Variants in ANGPT2 observed in about 807,000 individuals in gnomAD.
The protein encoded by ANGPT2 is angiopoietin-2.
In ANGPT2, 28 loss-of-function variants were observed where a neutral mutation model predicts 62.9. That is an observed-to-expected ratio of 0.44 (90% CI 0.33 to 0.61). The LOEUF is 0.61. Among genes scored for constraint, ANGPT2 ranks in the 20% least tolerant of loss-of-function variants. The pLI is 0.03. For missense variants in ANGPT2, 727 were observed against 594.9 expected, an observed-to-expected ratio of 1.22 and a Z score of -2.31; for synonymous variants, 284 against 207.8, an observed-to-expected ratio of 1.37 and a Z score of -3.15.
chr8:6,546,169 GAGTT>G (rs1255608861), intron 1 of ANGPT2, among the ~76,000 whole-genome samples: 4 of 152,238 alleles, frequency 2.6e-5, no homozygotes, highest in African/African-American at 4.8e-5. Flanking sequence ...TAAGTGGAAT[GAGTT>G]AGCACAATTC....
intron 8 of ANGPT2, 156 bp downstream of exon 8, chr8:6,508,776 A>G: frequency 9.2e-7 from 1 of 1,085,812 alleles, no homozygotes; most frequent in Non-Finnish European, 1.4e-6. Flanking sequence ...GTCTAAAAAA[A>G]GTGAAAAACA....
chr8:6,553,925 G>A (rs760841624), intron 1 of ANGPT2, among the ~76,000 whole-genome samples: 1 of 152,046 alleles, frequency 6.6e-6, no homozygotes, highest in Non-Finnish European at 1.5e-5. Flanking sequence ...ACCAAGATAT[G>A]GTTTGGGCAG....
chr8:6,521,909 G>C (rs1471056650), intron 3 of ANGPT2, among the ~76,000 whole-genome samples: 2 of 152,168 alleles, frequency 1.3e-5, no homozygotes, highest in Non-Finnish European at 1.5e-5. Context: ...TTCATGGGGA[G>C]GTGAATACTT....
chr8:6,509,149 C>T (rs1160700996), intron 7 of ANGPT2, 87 bp from the exon 8 acceptor site: 3 of 1,523,222 alleles, frequency 2.0e-6, no homozygotes, highest in East Asian at 2.3e-5. Context: ...GAATTCCATT[C>T]TACAGAAGCG....
chr8:6,505,293 A>G (rs1365581873), intron 8 of ANGPT2, among the ~76,000 whole-genome samples: 1 of 69,582 alleles, frequency 1.4e-5, no homozygotes, highest in East Asian at 4.5e-4. Context: ...TATGTTATAT[A>G]CATATATATG....
chr8:6,561,949 TC>T (rs929030599), intron 1 of ANGPT2, among the ~76,000 whole-genome samples: 1 of 152,060 alleles, frequency 6.6e-6, no homozygotes, highest in African/African-American at 2.4e-5. Context: ...AACATAACCG[TC>T]CCACGTGGGG....
intron 8 of ANGPT2, among the ~76,000 whole-genome samples, chr8:6,504,993 T>C (rs1228796059): frequency 1.3e-5 from 2 of 151,816 alleles, no homozygotes; most frequent in Non-Finnish European, 2.9e-5. Flanking sequence ...TACAGTATGA[T>C]ACTCCTTATA....
chr8:6,546,503 C>T (rs1415138274), intron 1 of ANGPT2, among the ~76,000 whole-genome samples: 1 of 151,786 alleles, frequency 6.6e-6, no homozygotes, highest in Non-Finnish European at 1.5e-5. Flanking sequence ...TCCATTCATA[C>T]GTCACTGGGG....
chr8:6,515,412 T>C (rs1057404227), intron 5 of ANGPT2, among the ~76,000 whole-genome samples: 1 of 152,206 alleles, frequency 6.6e-6, no homozygotes, highest in Non-Finnish European at 1.5e-5. Flanking sequence ...GGGCTTGGCT[T>C]AGCACCTTGG....
chr8:6,548,062 A>T (rs1822930014), intron 1 of ANGPT2, among the ~76,000 whole-genome samples: 1 of 152,036 alleles, frequency 6.6e-6, no homozygotes, highest in South Asian at 2.1e-4. Flanking sequence ...TTTGTGGTTT[A>T]GTGTCTTTAC....
At position 6,500,559 on chromosome 8, in the gene ANGPT2, G is replaced by T. The variant is rs898913609; in HGVS notation, c.*2542C>A. 6.5e-6 allele frequency: 1 copy of T among 153,486 alleles called. No individual in the cohort carries two copies. Among genetic ancestry groups the T allele is most frequent in the African/African-American group, 2.4e-5 (1 of 41,462 alleles). The allele number at this position is 153,486 out of a possible 1,614,324, so 9.5% of individuals were successfully genotyped here. ...GTGATTTTTATCTGCCACTGGTGTT[G>T]TTATTTAGCTGTTTGAGTAGGCCAT... On this transcript the variant is annotated 3_prime_UTR_variant, in exon 9 of 9. Coordinates refer to ENST00000629816, the MANE Select transcript of ANGPT2 (RefSeq NM_001118887.2).
At position 6,510,806 on chromosome 8, in the gene ANGPT2, C is replaced by G. The variant is rs551523188; in HGVS notation, c.1197-1744G>C. On this transcript the variant is annotated intron_variant, in intron 7 of 8. Coordinates refer to ENST00000629816, the MANE Select transcript of ANGPT2 (RefSeq NM_001118887.2). The stretch of plus-strand genomic sequence containing the variant: ...GATGTGGAGTTCTGTAAGTGTTGCT[C>G]CTAAGTGACTTCAGTATTAAGGCAG... Among the ~76,000 whole-genome samples the G allele has an allele frequency of 4.6e-5, 7 of 152,280 alleles. No homozygotes were observed. The South Asian group carries it at 1.5e-3, about 32-fold the overall frequency.
intron 3 of ANGPT2, among the ~76,000 whole-genome samples, chr8:6,523,590 T>G (rs956711549): frequency 1.3e-5 from 2 of 152,060 alleles, no homozygotes; most frequent in African/African-American, 4.8e-5. Flanking sequence ...GGTTTTTTGT[T>G]TTTTGTTTTG....
At chr8:6,544,228 C>A (rs1822128185) in intron 1 of ANGPT2, among the ~76,000 whole-genome samples, 1 of 152,178 alleles carries the variant, frequency 6.6e-6, no homozygotes, top group South Asian at 2.1e-4. Flanking sequence ...GAAGCTGGGA[C>A]CTCTGTTTAT....
intron 3 of ANGPT2, among the ~76,000 whole-genome samples, chr8:6,526,162 G>T (rs1260828391): frequency 6.7e-6 from 1 of 148,556 alleles, no homozygotes; most frequent in African/African-American, 2.5e-5. Context: ...GCTCATGCCT[G>T]TAATCCCAGC....
At chr8:6,555,125 T>G (rs951037908) in intron 1 of ANGPT2, among the ~76,000 whole-genome samples, 4 of 152,232 alleles carry the variant, frequency 2.6e-5, no homozygotes, top group Non-Finnish European at 5.9e-5. Flanking sequence ...TTTACTCTTT[T>G]TATTTACATC....
intron 5 of ANGPT2, among the ~76,000 whole-genome samples, chr8:6,518,194 G>C (rs1456491550): frequency 6.6e-6 from 1 of 152,176 alleles, no homozygotes; most frequent in Non-Finnish European, 1.5e-5. Context: ...CTGCATCGGT[G>C]TCCATGGCAT....
At chr8:6,508,770 A>G (rs1454597723) in intron 8 of ANGPT2, 162 bp downstream of exon 8, 2 of 1,024,940 alleles carry the variant, frequency 2.0e-6, no homozygotes, top group Admixed American at 2.2e-5. Flanking sequence ...AACTTAGTCT[A>G]AAAAAAGTGA....
At position 6,500,124 on chromosome 8, in the gene ANGPT2, A is replaced by C; in HGVS notation, c.*2977T>G. 1.7e-6 allele frequency: 1 copy of C among 591,860 alleles called. No homozygotes were observed. The highest frequency in any genetic ancestry group is 3.0e-6 in the Non-Finnish European group (1 of 329,516). 36.7% of individuals were successfully genotyped at this position (591,860 alleles called of 1,614,324 possible). A position where few individuals can be genotyped will look rare whatever the true frequency, so the allele number is the denominator to read the frequency against. ...ATGTGAGAACGTGAGACCATTGTGC[A>C]AAAAGTAGTGAGGAATGCAGTCCAA... On this transcript the variant is annotated 3_prime_UTR_variant, in exon 9 of 9. Transcript: ENST00000629816.
Sources: gnomAD v4.1 joint callset for allele counts (sites outside exome capture counted in the v4.1 genomes callset) on GRCh38, gnomAD v4.1.1 for gene constraint, MANE v1.5 for transcripts, NCBI Gene and HGNC (gene_info 2026-07-23, HGNC 2026-07-21) for gene names.